CSK: variants seen among roughly 807,000 people sequenced by gnomAD.
CSK encodes C-terminal Src kinase.
A neutral mutation model predicts 62.3 loss-of-function variants in CSK; 7 were observed. The observed-to-expected ratio is 0.11, with a 90% CI of 0.06 to 0.21. The LOEUF (loss-of-function observed/expected upper bound fraction) is 0.21. CSK is among the 10% of genes least tolerant of loss of function. The pLI is 1.00. For synonymous variants in CSK, 237 were observed against 246.0 expected, an observed-to-expected ratio of 0.96 and a Z score of 0.34; for missense variants, 294 against 613.5, an observed-to-expected ratio of 0.48 and a Z score of 5.50.
intron 1 of CSK, among the ~76,000 whole-genome samples, chr15:74,797,489 AC>A (rs1343352582): frequency 6.6e-6 from 1 of 152,148 alleles, no homozygotes; most frequent in Non-Finnish European, 1.5e-5. Context: ...GTGCTACTGC[AC>A]TCCAGCCTGG....
intron 9 of CSK, among the ~76,000 whole-genome samples, 162 bp from the exon 10 acceptor site, chr15:74,801,360 A>G (rs930322089): frequency 2.0e-5 from 3 of 152,212 alleles, no homozygotes; most frequent in Non-Finnish European, 4.4e-5. Flanking sequence ...TAAGGCATGA[A>G]TAACACAGAG....
At chr15:74,795,173 T>G (rs1196129214) in intron 1 of CSK, among the ~76,000 whole-genome samples, 1 of 152,114 alleles carries the variant, frequency 6.6e-6, no homozygotes, top group African/African-American at 2.4e-5. Flanking sequence ...CCTCTGCCTG[T>G]GTAAGCCCTG....
In CSK at chr15:74,798,018, A is replaced by C; in HGVS notation, c.-65-215A>C. The C allele has an allele frequency of 2.5e-6, 1 of 402,436 alleles. No homozygotes were observed. Among genetic ancestry groups the C allele is most frequent in the Non-Finnish European group, 4.5e-6 (1 of 222,190 alleles). The allele number at this position is 402,436 out of a possible 1,614,324, so 24.9% of individuals were successfully genotyped here. ...GTCCTGGAAGGCCCCCTGTGGCCTT[A>C]GGGTTGGTGGCTCCCTCTGCCCCTG... On this transcript the variant is annotated intron_variant, in intron 1 of 12. Transcript: ENST00000220003. This position sits in a 1 kb window ranked among gnomAD's most constrained non-coding sequence, Gnocchi z 6.6.
chr15:74,795,647 C>T (rs907045187), intron 1 of CSK, among the ~76,000 whole-genome samples: 10 of 152,136 alleles, frequency 6.6e-5, no homozygotes, highest in African/African-American at 2.4e-4. Context: ...TTGCTGCTCT[C>T]AGGGAATGGG....
chr15:74,797,350 G>T (rs1247311524), intron 1 of CSK, among the ~76,000 whole-genome samples: 3 of 152,180 alleles, frequency 2.0e-5, no homozygotes, highest in Non-Finnish European at 4.4e-5. Context: ...GAGGTCAGGA[G>T]TTCGAGACCA....
At chr15:74,801,943 C>T in intron 11 of CSK, 53 bp downstream of exon 11, 2 of 1,610,328 alleles carry the variant, frequency 1.2e-6, no homozygotes, top group Admixed American at 1.7e-5. Context: ...TCCTGGGTCA[C>T]TCCCCACCCT....
chr15:74,800,395 C>T lies in CSK; in HGVS notation c.463-17C>T. On this transcript the variant is annotated splice_polypyrimidine_tract_variant and intron_variant, in intron 5 of 12. Transcript: ENST00000220003. ...CCTTGGGCTGTCTCTGAGCACCCTG[C>T]CCCCCACACCCTGCAGCACTACACC... 1 of 1,610,690 alleles carries T rather than the reference C, an allele frequency of 6.2e-7. No homozygotes were observed. The highest frequency in any genetic ancestry group is 8.5e-7 in the Non-Finnish European group (1 of 1,177,790).
intron 1 of CSK, among the ~76,000 whole-genome samples, chr15:74,787,202 A>G (rs898129229): frequency 2.0e-5 from 3 of 152,208 alleles, no homozygotes; most frequent in African/African-American, 7.2e-5. Flanking sequence ...CCGCTAAGTA[A>G]TGATTAAAGT....
chr15:74,800,661 T>C lies in CSK; in HGVS notation c.557-20T>C. The C allele has an allele frequency of 6.5e-7, 1 of 1,540,582 alleles. No individual in the cohort carries two copies. Among genetic ancestry groups the C allele is most frequent in the Non-Finnish European group, 8.8e-7 (1 of 1,140,550 alleles). ...CATGTCCCTAGTGGCCTCCAGGCCC[T>C]CACTGGCCCCTCCCCACAGGCGGCT... is the stretch of plus-strand genomic sequence containing the variant. On this transcript the variant is annotated intron_variant, in intron 6 of 12. Coordinates refer to ENST00000220003, the MANE Select transcript of CSK (RefSeq NM_004383.3).
At chr15:74,795,112 A>G (rs1295976183) in intron 1 of CSK, among the ~76,000 whole-genome samples, 2 of 151,848 alleles carry the variant, frequency 1.3e-5, no homozygotes, top group Admixed American at 1.3e-4. Context: ...CCCCTGCCTG[A>G]CACCTTTGCT....
rs2063448760 is a variant in CSK, at chr15:74,782,406, TC to T, written c.-378del. 1 of 151,164 alleles carries T rather than the reference TC, an allele frequency of 6.6e-6. No individual in the cohort carries two copies. The allele number at this position is 151,164 out of a possible 1,614,324, so 9.4% of individuals were successfully genotyped here. On this transcript the variant is annotated 5_prime_UTR_variant, in exon 1 of 13. Transcript: ENST00000220003. The surrounding 1 kb of genome is among the most constrained non-coding windows in gnomAD (Gnocchi z 5.7). ...CGGCCCCCGGCAGCCAGCGCGACGT[TC>T]CAAAATCGAACCTCAGTGGCGGCGC...
At chr15:74,787,333 TCAGAAGTACTCCAC>T (rs1460811205) in intron 1 of CSK, among the ~76,000 whole-genome samples, 8 of 152,080 alleles carry the variant, frequency 5.3e-5, no homozygotes, top group Non-Finnish European at 8.8e-5. Context: ...CTCCTCGGGA[TCAGAAGTACTCCAC>T]CAGTTGGGGG....
At chr15:74,784,878 A>G (rs573911414) in intron 1 of CSK, among the ~76,000 whole-genome samples, 1 of 152,316 alleles carries the variant, frequency 6.6e-6, no homozygotes, top group South Asian at 2.1e-4. Context: ...AGTCTGGGAA[A>G]GAGAAAGTAG....
At chr15:74,789,390 C>T (rs2063581871) in intron 1 of CSK, among the ~76,000 whole-genome samples, 1 of 152,190 alleles carries the variant, frequency 6.6e-6, no homozygotes, top group Admixed American at 6.5e-5. Flanking sequence ...CTGCGGGGGT[C>T]AGTGGAAGCC....
At position 74,786,013 on chromosome 15, in the gene CSK, T is replaced by TTTTTTTTTTTTTTGTTTTGTGTGTGTGTG; in HGVS notation, c.-66+3294_-66+3295insTTTTTTTTTTTTGTTTTGTGTGTGTGTGT. ...CTCTCTCTCTCTCTCTTTTTTTTTTTTGTGTGTGTGTGTGTGTGTGTGTGT... is the reference window on the plus strand; with the variant it reads ...CTCTCTCTCTCTCTCTTTTTTTTTTTTTTTTTTTTTTTTGTTTTGTGTGTGTGTGTGTGTGTGTGTGTGTGTGTGTGTGT... On this transcript the variant is annotated intron_variant, in intron 1 of 12. Coordinates refer to ENST00000220003, the MANE Select transcript of CSK (RefSeq NM_004383.3). 4.2e-5 allele frequency among the ~76,000 whole-genome samples: 2 copies of TTTTTTTTTTTTTTGTTTTGTGTGTGTGTG among 47,816 alleles called. 1 individual carries two copies. The highest frequency in any genetic ancestry group is 1.3e-4 in the African/African-American group (2 of 14,914). The allele number at this position is 47,816 out of a possible 152,430, so 31.4% of individuals were successfully genotyped here. A position where few individuals can be genotyped will look rare whatever the true frequency, so the allele number is the denominator to read the frequency against.
rs773126585 is a variant in CSK, at chr15:74,802,318, C to T, written c.1171-13C>T. The T allele has an allele frequency of 1.3e-6, 2 of 1,573,062 alleles. No individual in the cohort carries two copies. Among genetic ancestry groups the T allele is most frequent in the Admixed American group, 4.0e-5 (2 of 50,060 alleles). ...CAGGGCCTGGACTGACTCCTGCCTC[C>T]CCCTGGCCACAGCCCCTGAAGGACG... On this transcript the variant is annotated splice_polypyrimidine_tract_variant and intron_variant, in intron 12 of 12. Coordinates refer to ENST00000220003, the MANE Select transcript of CSK (RefSeq NM_004383.3).
At chr15:74,797,448 C>A (rs192265874) in intron 1 of CSK, among the ~76,000 whole-genome samples, 17 of 152,224 alleles carry the variant, frequency 1.1e-4, no homozygotes, top group African/African-American at 3.9e-4. Context: ...CCCAGCTACT[C>A]AGGAGGTGGA....
chr15:74,801,704 C>T lies in CSK; in HGVS notation c.897C>T (p.Cys299=), dbSNP rs779958954. 9 of 1,612,784 alleles carry T rather than the reference C, an allele frequency of 5.6e-6. No individual in the cohort carries two copies. The highest frequency in any genetic ancestry group is 3.3e-4 in the Middle Eastern group (2 of 6,056). The change falls in exon 11 of 13, where the codon TGC becomes TGT. Residue 299 remains cysteine (C), a synonymous_variant. Coordinates refer to ENST00000220003, the MANE Select transcript of CSK (RefSeq NM_004383.3). Reference sequence around the variant, plus strand: ...GCTGGCCTACCCCCAGAGATGTCTGCGAGGCCATGGAATACCTGGAGGGCA... The same window carrying T: ...GCTGGCCTACCCCCAGAGATGTCTGTGAGGCCATGGAATACCTGGAGGGCA... ...DCLLKFSLDV[C]EAMEYLEGNN...
intron 4 of CSK, 38 bp from the exon 5 acceptor site, chr15:74,799,234 T>C: frequency 6.3e-7 from 1 of 1,579,312 alleles, no homozygotes; most frequent in Non-Finnish European, 8.6e-7. Flanking sequence ...GGTCAGTACC[T>C]TTGGGCCACC....
Sources: allele counts gnomAD v4.1 joint callset (sites outside exome capture counted in the v4.1 genomes callset), GRCh38; gene constraint gnomAD v4.1.1; non-coding constraint Gnocchi (gnomAD v3.1); transcripts MANE v1.5; gene names NCBI Gene and HGNC (gene_info 2026-07-23, HGNC 2026-07-21).